Variants in GRB2 observed in about 807,000 individuals in gnomAD.
GRB2 encodes the protein growth factor receptor bound protein 2.
In GRB2, 2 loss-of-function variants were observed where a neutral mutation model predicts 27.4. The ratio of observed to expected loss-of-function variants is 0.07; its 90% CI spans 0.03 to 0.23. GRB2 has a LOEUF of 0.23. GRB2 is among the 10% of genes least tolerant of loss of function. The pLI is 1.00. For missense variants in GRB2, 102 were observed against 282.4 expected, an observed-to-expected ratio of 0.36 and a Z score of 4.58; for synonymous variants, 94 against 99.6, an observed-to-expected ratio of 0.94 and a Z score of 0.33.
intron 2 of GRB2, chr17:75,338,723 G>T (rs1054516663): frequency 4.0e-6 from 2 of 494,036 alleles, no homozygotes; most frequent in Non-Finnish European, 7.3e-6. Flanking sequence ...ATAATGTTAA[G>T]AGCCCAAATC....
chr17:75,351,903 A>C (rs2078694978), intron 2 of GRB2, among the ~76,000 whole-genome samples: 1 of 152,180 alleles, frequency 6.6e-6, no homozygotes. Flanking sequence ...CATTTTATTC[A>C]CTTATCACGT....
intron 2 of GRB2, among the ~76,000 whole-genome samples, chr17:75,383,574 T>C (rs372646885): frequency 1.1e-4 from 16 of 152,138 alleles, no homozygotes; most frequent in Non-Finnish European, 1.9e-4. Flanking sequence ...GCTGGGCGGG[T>C]GGCTCACGCC....
In GRB2 at chr17:75,339,990, T is replaced by C. The variant is rs371200710; in HGVS notation, c.79-7193A>G. On this transcript the variant is annotated intron_variant, in intron 2 of 5. Coordinates refer to ENST00000316804, the MANE Select transcript of GRB2 (RefSeq NM_002086.5). Reference sequence around the variant, plus strand: ...GTGTCATTTAGAAAAATGGCAAGTATTTTGTTTATAGATTGCTGCATTTTG... The same window carrying C: ...GTGTCATTTAGAAAAATGGCAAGTACTTTGTTTATAGATTGCTGCATTTTG... 7.9e-4 allele frequency among the ~76,000 whole-genome samples: 121 copies of C among 152,358 alleles called. 1 individual carries two copies. The South Asian group carries it at 0.025, about 31-fold the overall frequency.
intron 2 of GRB2, among the ~76,000 whole-genome samples, chr17:75,363,585 C>A (rs535821222): frequency 4.6e-4 from 70 of 152,270 alleles, no homozygotes; most frequent in African/African-American, 1.6e-3. Flanking sequence ...GCGGGCCGGG[C>A]ATGGTGGCTC....
intron 2 of GRB2, among the ~76,000 whole-genome samples, chr17:75,392,763 G>A (rs1248630465): frequency 2.0e-5 from 3 of 152,114 alleles, no homozygotes; most frequent in Non-Finnish European, 2.9e-5. Context: ...ACATCCAAAA[G>A]AGCAAACTGC....
chr17:75,389,532 A>G (rs2078985426), intron 2 of GRB2, among the ~76,000 whole-genome samples: 1 of 152,020 alleles, frequency 6.6e-6, no homozygotes, highest in Admixed American at 6.6e-5. Context: ...TCTGTAAAAG[A>G]GTAAGTCTAA....
intron 2 of GRB2, chr17:75,373,710 G>C (rs1200533875): frequency 6.6e-6 from 1 of 150,754 alleles, no homozygotes; most frequent in Non-Finnish European, 1.5e-5. Flanking sequence ...CTTTAATTCT[G>C]CTTAGTATCA....
intron 2 of GRB2, among the ~76,000 whole-genome samples, chr17:75,337,892 CTACTACTACTATTATTATTAT>C (rs904066663): frequency 7.8e-6 from 1 of 127,652 alleles, no homozygotes; most frequent in Non-Finnish European, 1.6e-5. Flanking sequence ...ACTACTACTA[CTACTACTACTATTATTATTAT>C]TATTATTATT....
chr17:75,359,507 A>AAATAAT (rs10628038), intron 2 of GRB2, among the ~76,000 whole-genome samples: 129,659 of 148,208 alleles, frequency 0.87, 57,721 homozygotes, highest in Non-Finnish European at 0.96. Context: ...CATTGTCTCA[A>AAATAAT]AATAATAATA....
At chr17:75,326,122 G>A (rs2078497054) in intron 3 of GRB2, 102 bp from the exon 4 acceptor site, 2 of 1,365,030 alleles carry the variant, frequency 1.5e-6, no homozygotes, top group African/African-American at 2.9e-5. Flanking sequence ...GCCAGAGGAA[G>A]GGGCCTCCCT....
At chr17:75,346,903 C>T (rs1309617047) in intron 2 of GRB2, among the ~76,000 whole-genome samples, 1 of 152,072 alleles carries the variant, frequency 6.6e-6, no homozygotes, top group African/African-American at 2.4e-5. Flanking sequence ...CATCAACAGG[C>T]TCCCTCACTC....
At chr17:75,388,382 C>T (rs902498992) in intron 2 of GRB2, among the ~76,000 whole-genome samples, 2 of 152,008 alleles carry the variant, frequency 1.3e-5, no homozygotes, top group African/African-American at 4.8e-5. Context: ...GGGATTCAGG[C>T]GTGAGCCACC....
intron 2 of GRB2, among the ~76,000 whole-genome samples, chr17:75,352,593 A>G (rs2145841125): frequency 6.6e-6 from 1 of 152,364 alleles, no homozygotes; most frequent in Non-Finnish European, 1.5e-5. Context: ...TCTCCTGCTC[A>G]CAATGACAAG....
intron 2 of GRB2, among the ~76,000 whole-genome samples, chr17:75,337,640 G>A (rs1284517155): frequency 1.3e-5 from 2 of 148,540 alleles, no homozygotes; most frequent in African/African-American, 2.5e-5. Flanking sequence ...GCACAATCTC[G>A]GCTCACTGCA....
chr17:75,361,521 C>T (rs1224998315), intron 2 of GRB2, among the ~76,000 whole-genome samples: 4 of 152,168 alleles, frequency 2.6e-5, no homozygotes, highest in African/African-American at 7.2e-5. Context: ...TATCAGGAAA[C>T]ACTACTTCCT....
intron 2 of GRB2, among the ~76,000 whole-genome samples, chr17:75,385,052 AAAAAAAG>A (rs1390037767): frequency 1.3e-4 from 10 of 77,734 alleles, no homozygotes; most frequent in East Asian, 7.4e-4. Context: ...AAAAAAAAAA[AAAAAAAG>A]CAAACAAACA....
chr17:75,318,848 AG>A lies in GRB2; in HGVS notation c.*1519del, dbSNP rs1311135364. 2 of 151,900 alleles carry A rather than the reference AG, an allele frequency of 1.3e-5. No individual in the cohort carries two copies. The highest frequency in any genetic ancestry group is 2.9e-5 in the Non-Finnish European group (2 of 68,062). The allele number at this position is 151,900 out of a possible 1,614,324, so 9.4% of individuals were successfully genotyped here. ...GTACTCTCACTGTGTACCCCAGCAT[AG>A]GAATAGTGAAACCTGCTACAACTGG... is the stretch of plus-strand genomic sequence containing the variant. On this transcript the variant is annotated 3_prime_UTR_variant, in exon 6 of 6. Coordinates refer to ENST00000316804, the MANE Select transcript of GRB2 (RefSeq NM_002086.5).
chr17:75,342,370 CTAAG>C (rs2078626912), intron 2 of GRB2, among the ~76,000 whole-genome samples: 1 of 152,076 alleles, frequency 6.6e-6, no homozygotes, highest in African/African-American at 2.4e-5. Flanking sequence ...TCTAAGTGTT[CTAAG>C]TAATACATTT....
chr17:75,391,763 G>A (rs553990378), intron 2 of GRB2, among the ~76,000 whole-genome samples: 1 of 145,464 alleles, frequency 6.9e-6, no homozygotes, highest in East Asian at 2.0e-4. Context: ...AGCCCAGATT[G>A]TACCACCGCA....
Sources: allele counts gnomAD v4.1 joint callset (sites outside exome capture counted in the v4.1 genomes callset), GRCh38; gene constraint gnomAD v4.1.1; transcripts MANE v1.5; gene names NCBI Gene and HGNC (gene_info 2026-07-23, HGNC 2026-07-21).